Variants in PLA2R1 observed in about 807,000 individuals in gnomAD.
PLA2R1 encodes secretory phospholipase A2 receptor.
Under a neutral mutation model 195.9 loss-of-function variants are expected in PLA2R1, and 158 were observed. That is an observed-to-expected ratio of 0.81 (90% CI 0.71 to 0.92). The LOEUF (loss-of-function observed/expected upper bound fraction) is 0.92, where lower values mean the gene tolerates loss of function less well. Ranked by LOEUF, PLA2R1 falls within the 40% of genes least tolerant of loss-of-function variation. The pLI is 0.00. For synonymous variants in PLA2R1, 586 were observed against 598.2 expected, an observed-to-expected ratio of 0.98 and a Z score of 0.30; for missense variants, 1,626 against 1,764.6, an observed-to-expected ratio of 0.92 and a Z score of 1.41.
intron 6 of PLA2R1, among the ~76,000 whole-genome samples, chr2:160,027,023 C>T (rs1191967783): frequency 6.6e-6 from 1 of 152,206 alleles, no homozygotes; most frequent in Non-Finnish European, 1.5e-5. Flanking sequence ...ATCCCAGCTA[C>T]TCGAGAGGCT....
intron 23 of PLA2R1, among the ~76,000 whole-genome samples, chr2:159,952,457 A>G (rs1338652519): frequency 1.3e-5 from 2 of 152,246 alleles, no homozygotes; most frequent in African/African-American, 4.8e-5. Flanking sequence ...TAGAAAACCT[A>G]AAGGACAAAA....
intron 6 of PLA2R1, among the ~76,000 whole-genome samples, chr2:160,024,966 C>G (rs1013050085): frequency 6.6e-6 from 1 of 152,176 alleles, no homozygotes; most frequent in African/African-American, 2.4e-5. Flanking sequence ...TGTGTCCCAC[C>G]ACCCCAGGGT....
At chr2:160,032,411 A>G (rs6755628) in intron 4 of PLA2R1, among the ~76,000 whole-genome samples, 80,329 of 152,016 alleles carry the variant, frequency 0.53, 22,417 homozygotes, top group Non-Finnish European at 0.63. Flanking sequence ...TTTAGGCAAT[A>G]AGCGAAACAT....
At chr2:160,006,143 C>T (rs1691967801) in intron 10 of PLA2R1, among the ~76,000 whole-genome samples, 2 of 152,090 alleles carry the variant, frequency 1.3e-5, no homozygotes, top group South Asian at 4.1e-4. Context: ...TCTTGGAGTA[C>T]GATGTGGCCT....
intron 14 of PLA2R1, 126 bp from the exon 15 acceptor site, chr2:159,977,542 G>T: frequency 1.5e-6 from 1 of 653,126 alleles, no homozygotes; most frequent in South Asian, 2.8e-5. Context: ...ATGTCTGGAT[G>T]TCATTCTAGT....
chr2:160,028,372 A>G lies in PLA2R1; in HGVS notation c.956-11T>C, dbSNP rs1693650749. ...GCTCAAAATTTACCTCTGAAAATAC[A>G]ATGAGTGTCTTTAATATTAGAAGCA... On this transcript the variant is annotated splice_polypyrimidine_tract_variant and intron_variant, in intron 5 of 29. Transcript: ENST00000283243. The G allele has an allele frequency of 1.9e-6, 3 of 1,591,660 alleles. No homozygotes were observed. Among genetic ancestry groups the G allele is most frequent in the Non-Finnish European group, 2.6e-6 (3 of 1,162,476 alleles).
intron 12 of PLA2R1, among the ~76,000 whole-genome samples, chr2:159,985,355 CT>C: frequency 6.6e-6 from 1 of 152,346 alleles, no homozygotes; most frequent in East Asian, 1.9e-4. Flanking sequence ...TGTCTTCATT[CT>C]GCTCTGCCTG....
chr2:159,974,550 C>T (rs1689410644), intron 17 of PLA2R1, among the ~76,000 whole-genome samples: 1 of 152,098 alleles, frequency 6.6e-6, no homozygotes, highest in South Asian at 2.1e-4. Flanking sequence ...TTGTTATTGC[C>T]CTCTGAGGTG....
chr2:160,013,701 CTGTCTCTCTCTCTCTCTCTCTGTGTGTG>C (rs1692531006), intron 9 of PLA2R1, among the ~76,000 whole-genome samples: 1 of 131,212 alleles, frequency 7.6e-6, no homozygotes, highest in South Asian at 2.3e-4. Context: ...CTCTCTCTCT[CTGTCTCTCTCTCTCTCTCTCTGTGTGTG>C]TGTGTGTGTG....
chr2:159,972,477 T>G (rs773102395), intron 17 of PLA2R1, among the ~76,000 whole-genome samples: 1 of 152,152 alleles, frequency 6.6e-6, no homozygotes, highest in Non-Finnish European at 1.5e-5. Context: ...GAAACAGCAT[T>G]TACCAAAAAC....
At chr2:159,974,763 T>C (rs1334948950) in intron 17 of PLA2R1, among the ~76,000 whole-genome samples, 3 of 152,188 alleles carry the variant, frequency 2.0e-5, no homozygotes, top group Admixed American at 2.0e-4. Context: ...TGGGACCATG[T>C]GATTGTCATC....
At chr2:159,975,135 A>C (rs1170047521) in intron 17 of PLA2R1, among the ~76,000 whole-genome samples, 1 of 152,064 alleles carries the variant, frequency 6.6e-6, no homozygotes, top group East Asian at 1.9e-4. Flanking sequence ...TGCCCTTTCT[A>C]TTTACTACAT....
intron 20 of PLA2R1, among the ~76,000 whole-genome samples, chr2:159,960,732 A>G (rs6432571): frequency 0.84 from 127,796 of 152,180 alleles, 57,639 homozygotes; most frequent in East Asian, 1. Context: ...CTGTTACATT[A>G]TCAAACACAG....
Position 160,033,000 on chromosome 2 carries a change from A to G in PLA2R1, c.800T>C (p.Leu267Pro), listed in dbSNP as rs779543889. The change falls in exon 4 of 30, where the codon CTG becomes CCG. Residue 267 changes from leucine (L) to proline (P), a missense_variant. Leu to Pro is a moderately conservative substitution (Grantham distance 98). Transcript: ENST00000283243. ...TTCAGTTTCATCTGTAATACTTAACAGCGTACCTCCTTGCATCTGGCATGA... is the reference window on the plus strand; with the variant it reads ...TTCAGTTTCATCTGTAATACTTAACGGCGTACCTCCTTGCATCTGGCATGA... ...HSSCQMQGGT[L>P]LSITDETEEN... 1 of 1,613,442 alleles carries G rather than the reference A, an allele frequency of 6.2e-7. No individual in the cohort carries two copies. Among genetic ancestry groups the G allele is most frequent in the East Asian group, 2.2e-5 (1 of 44,842 alleles).
At chr2:160,008,984 C>G (rs548961880) in intron 10 of PLA2R1, among the ~76,000 whole-genome samples, 70 of 152,298 alleles carry the variant, frequency 4.6e-4, no homozygotes, top group Non-Finnish European at 8.8e-4. Flanking sequence ...GAATGCAGAT[C>G]AAAACCACAG....
rs148881147 is a variant in PLA2R1, at chr2:160,056,114, T to A, written c.109+6181A>T. Reference sequence around the variant, plus strand: ...GACCCAACACTCTGACTCGATGCTTTCCCCACTGCAGGTTGTGGCCCATTT... The same window carrying A: ...GACCCAACACTCTGACTCGATGCTTACCCCACTGCAGGTTGTGGCCCATTT... On this transcript the variant is annotated intron_variant, in intron 1 of 29. Coordinates refer to ENST00000283243, the MANE Select transcript of PLA2R1 (RefSeq NM_007366.5). Among the ~76,000 whole-genome samples the A allele has an allele frequency of 3.8e-3, 572 of 152,290 alleles. 2 individuals carry two copies. The highest frequency in any genetic ancestry group is 0.013 in the African/African-American group (539 of 41,562).
intron 11 of PLA2R1, among the ~76,000 whole-genome samples, chr2:159,995,207 G>T (rs896025168): frequency 1.3e-5 from 2 of 152,034 alleles, no homozygotes; most frequent in African/African-American, 4.8e-5. Context: ...TCTTCAAAAA[G>T]ATTTACATTT....
rs149256089 is a variant in PLA2R1 at position 160,032,984 on chromosome 2, A to G, written c.816T>C (p.Asp272=). Residue 272 remains aspartate, a synonymous_variant, in exon 4 of 30, where the codon GAT becomes GAC. Coordinates refer to ENST00000283243, the MANE Select transcript of PLA2R1 (RefSeq NM_007366.5). ...CCCTTATGAAATTTTCTTCAGTTTC[A>G]TCTGTAATACTTAACAGCGTACCTC... is the stretch of plus-strand genomic sequence containing the variant. ...MQGGTLLSIT[D]ETEENFIREH... 7.6e-4 allele frequency: 1,233 copies of G among 1,612,328 alleles called. 1 individual carries two copies. Among genetic ancestry groups the G allele is most frequent in the Non-Finnish European group, 9.9e-4 (1,170 of 1,179,212 alleles).
rs1364944843 is a variant in PLA2R1 at position 159,999,616 on chromosome 2, G to A, written c.1834+6036C>T. 5.4e-4 allele frequency among the ~76,000 whole-genome samples: 2 copies of A among 3,716 alleles called. 1 individual carries two copies. Among genetic ancestry groups the A allele is most frequent in the Non-Finnish European group, 1.1e-3 (2 of 1,822 alleles). 2.4% of individuals were successfully genotyped at this position (3,716 alleles called of 152,430 possible). ...CCTGACCTCGTGATCCGCCCGCCTC[G>A]GCCTCCCAAAGTGCTGGGATTACAG... On this transcript the variant is annotated intron_variant, in intron 11 of 29. Transcript: ENST00000283243.
Sources: allele counts gnomAD v4.1 joint callset (sites outside exome capture counted in the v4.1 genomes callset), GRCh38; gene constraint gnomAD v4.1.1; transcripts MANE v1.5; gene names NCBI Gene and HGNC (gene_info 2026-07-23, HGNC 2026-07-21).